CFAP47: variants seen among roughly 807,000 people sequenced by gnomAD.
CFAP47 encodes cilia and flagella associated protein 47.
In CFAP47, 29 loss-of-function variants were observed where a neutral mutation model predicts 148.1. That is an observed-to-expected ratio of 0.20 (90% confidence interval 0.15 to 0.27). The LOEUF is 0.27. CFAP47 is among the 10% of genes least tolerant of loss of function. The pLI, the probability that CFAP47 is intolerant of heterozygous loss-of-function variation, is 1.00. For missense variants in CFAP47, 1,872 were observed against 1,697.5 expected (o/e 1.10, Z -1.81); for synonymous variants, 664 against 577.3 (o/e 1.15, Z -2.15).
intron 15 of CFAP47, among the ~76,000 whole-genome samples, chrX:35,980,063 G>A (rs2146673983): frequency 9.0e-6 from 1 of 111,533 alleles, no homozygotes; most frequent in Non-Finnish European, 1.9e-5. Context: ...AGATTTCTCT[G>A]GTGCCTGCTG....
At chrX:36,158,606 C>A (rs1043154900) in intron 37 of CFAP47, among the ~76,000 whole-genome samples, 1 of 111,981 alleles carries the variant, frequency 8.9e-6, no homozygotes, top group Non-Finnish European at 1.9e-5. Context: ...AGTAAGGAAG[C>A]AAGCCTCATA....
intron 21 of CFAP47, among the ~76,000 whole-genome samples, chrX:36,004,467 C>A (rs958029718): frequency 2.7e-5 from 3 of 111,210 alleles, no homozygotes; most frequent in Non-Finnish European, 5.7e-5. Flanking sequence ...ATGCTCATAG[C>A]AGCATTATTC....
intron 32 of CFAP47, among the ~76,000 whole-genome samples, chrX:36,103,304 T>C (rs1195720773): frequency 1.9e-5 from 2 of 107,777 alleles, no homozygotes; most frequent in Non-Finnish European, 3.8e-5. Flanking sequence ...TGTGGGCAAC[T>C]GAAGCTCAAT....
At position 36,049,497 on chromosome X, in the gene CFAP47, C is replaced by CTT. The variant is rs1401240567; in HGVS notation, c.4217+2434_4217+2435insTT. ...CATGTATTTCTCTCTCTCACACACA[C>CTT]ACACACACACACACACACACACACA... On this transcript the variant is annotated intron_variant, in intron 26 of 63. Transcript: ENST00000378653. 6.7e-3 allele frequency among the ~76,000 whole-genome samples: 709 copies of CTT among 105,458 alleles called. 3 individuals are homozygous for CTT. The highest frequency in any genetic ancestry group is 0.023 in the African/African-American group (662 of 29,234). 91.6% of individuals were successfully genotyped at this position (105,458 alleles called of 115,157 possible).
At chrX:36,076,853 G>T (rs1191864842) in intron 29 of CFAP47, among the ~76,000 whole-genome samples, 1 of 111,572 alleles carries the variant, frequency 9.0e-6, no homozygotes, top group African/African-American at 3.3e-5. Context: ...TTTTCCTCTA[G>T]AATTCTTATA....
chrX:36,145,082 T>C (rs866621601), intron 35 of CFAP47, 137 bp from the exon 36 acceptor site: 8 of 285,906 alleles, frequency 2.8e-5, no homozygotes, highest in Admixed American at 1.2e-4. Flanking sequence ...TATGCGTGTG[T>C]GTGTGTGTGT....
intron 49 of CFAP47, among the ~76,000 whole-genome samples, chrX:36,279,377 C>T (rs1941053719): frequency 8.9e-6 from 1 of 112,136 alleles, no homozygotes; most frequent in Non-Finnish European, 1.9e-5. Flanking sequence ...TTGTTACTCT[C>T]AAGTAAAAAC....
At chrX:36,028,501 A>G (rs1424330154) in intron 22 of CFAP47, among the ~76,000 whole-genome samples, 1 of 111,475 alleles carries the variant, frequency 9.0e-6, no homozygotes, top group East Asian at 2.8e-4. Context: ...ATCTGTAAGC[A>G]TTAAATGTTT....
At chrX:36,378,715 A>G (rs782589975) in intron 62 of CFAP47, among the ~76,000 whole-genome samples, 1 of 105,016 alleles carries the variant, frequency 9.5e-6, no homozygotes, top group Non-Finnish European at 2.0e-5. Context: ...AATTTTTTGT[A>G]TTTTTAGTAG....
At chrX:36,168,760 A>G (rs776671088) in intron 39 of CFAP47, among the ~76,000 whole-genome samples, 63 of 111,791 alleles carry the variant, frequency 5.6e-4, no homozygotes, top group Non-Finnish European at 1.1e-3. Context: ...AGGCAAATAT[A>G]AAGAGTTGCA....
chrX:35,920,166 C>T, intron 1 of CFAP47, 118 bp downstream of exon 1: 1 of 806,636 alleles, frequency 1.2e-6, no homozygotes, highest in Non-Finnish European at 1.7e-6. Context: ...GAGGATTGGG[C>T]TTCCCGGGAA....
intron 21 of CFAP47, among the ~76,000 whole-genome samples, chrX:36,003,123 A>G (rs1395568286): frequency 1.8e-5 from 2 of 110,373 alleles, no homozygotes; most frequent in Non-Finnish European, 3.8e-5. Context: ...GTTTCCTTTT[A>G]TAGTTTATTG....
rs1938850800 is a variant in CFAP47 at position 36,126,947 on chromosome X, T to G, written c.5321-11011T>G. The stretch of plus-strand genomic sequence containing the variant: ...TTGCCCACTTTCTGATGGGGTTGTT[T>G]TTTTCTTGTAAATTTGTTTAAGTTC... On this transcript the variant is annotated intron_variant, in intron 33 of 63. Transcript: ENST00000378653. 2.7e-5 allele frequency among the ~76,000 whole-genome samples: 3 copies of G among 112,251 alleles called. No individual in the cohort carries two copies. The Admixed American group carries it at 2.8e-4, about 11-fold the overall frequency.
intron 62 of CFAP47, among the ~76,000 whole-genome samples, chrX:36,371,499 GTA>G (rs1332747289): frequency 9.5e-6 from 1 of 105,365 alleles, no homozygotes; most frequent in Non-Finnish European, 2.0e-5. Context: ...CTGGGTGTGT[GTA>G]TATATATGTG....
intron 63 of CFAP47, among the ~76,000 whole-genome samples, chrX:36,382,687 A>G (rs977553440): frequency 1.8e-5 from 2 of 111,472 alleles, no homozygotes; most frequent in Admixed American, 9.6e-5. Flanking sequence ...GAGATCACGG[A>G]CTTTGGGTGA....
At chrX:36,204,521 A>G (rs1374323719) in intron 44 of CFAP47, among the ~76,000 whole-genome samples, 1 of 111,221 alleles carries the variant, frequency 9.0e-6, no homozygotes, top group Admixed American at 9.6e-5. Context: ...TGGCACATGT[A>G]TACATATGTA....
At chrX:35,975,438 A>G (rs192755848) in intron 14 of CFAP47, 75 bp downstream of exon 14, 2 of 712,490 alleles carry the variant, frequency 2.8e-6, no homozygotes, top group East Asian at 3.4e-5. Context: ...ATTTTCCTGA[A>G]TAATTGTATT....
chrX:35,989,108 T>A (rs1196797693), intron 15 of CFAP47, among the ~76,000 whole-genome samples: 2 of 112,237 alleles, frequency 1.8e-5, no homozygotes, highest in African/African-American at 6.5e-5. Context: ...AATTGAAAAA[T>A]AAGGCAGGCA....
At chrX:36,110,143 T>A (rs1226537642) in intron 33 of CFAP47, among the ~76,000 whole-genome samples, 2 of 111,797 alleles carry the variant, frequency 1.8e-5, no homozygotes, top group African/African-American at 6.5e-5. Flanking sequence ...AATTTTTTCT[T>A]TGGTTGCAAT....
Sources: gnomAD v4.1 joint callset for allele counts (sites outside exome capture counted in the v4.1 genomes callset) on GRCh38, gnomAD v4.1.1 for gene constraint, MANE v1.5 for transcripts, NCBI Gene and HGNC (gene_info 2026-07-23, HGNC 2026-07-21) for gene names.